Variants in MGAM2 observed in about 807,000 individuals in gnomAD.
MGAM2 encodes the protein probable maltase-glucoamylase 2.
A neutral mutation model predicts 96.1 loss-of-function variants in MGAM2; 98 were observed. That is an observed-to-expected ratio of 1.02 (90% CI 0.87 to 1.21). The LOEUF (loss-of-function observed/expected upper bound fraction) is 1.21, where lower values mean the gene tolerates loss of function less well. Ranked by LOEUF, MGAM2 falls within the 50% of genes most tolerant of loss-of-function variation. MGAM2 has a pLI of 0.00. For missense variants in MGAM2, 2,055 were observed against 1,182.4 expected, an observed-to-expected ratio of 1.74 and a Z score of -10.82; for synonymous variants, 749 against 414.8, an observed-to-expected ratio of 1.81 and a Z score of -9.79.
In MGAM2 at chr7:142,160,147, C is replaced by T. The variant is rs114108719; in HGVS notation, c.2234C>T (p.Ser745Leu). 2,960 of 702,124 alleles carry T rather than the reference C, an allele frequency of 4.2e-3. 69 individuals are homozygous for T. In the African/African-American group the frequency reaches 0.046, roughly 11 times the overall value. 43.5% of individuals were successfully genotyped at this position (702,124 alleles called of 1,614,324 possible). The change falls in exon 21 of 48, where the codon TCA (serine) becomes TTA (leucine). Residue 745 changes from serine (S) to leucine (L), a missense_variant. Transcript: ENST00000477922. ...GTTGCTGATTAGGGAGTGGCCATCT[C>T]ATGGAGGAAACAGTTGGTGAATATG... is the stretch of plus-strand genomic sequence containing the variant. ...WYDYETGVAI[S>L]WRKQLVNMLL...
At chr7:142,175,869 A>T in intron 32 of MGAM2, 89 bp downstream of exon 32, 2 of 653,556 alleles carry the variant, frequency 3.1e-6, no homozygotes, top group South Asian at 1.7e-5. Context: ...GATGAAGGGT[A>T]CCAGAAATGT....
rs982268539 is a variant in MGAM2, at chr7:142,186,042, G to A, written c.4041G>A (p.Ala1347=). Residue 1347 remains alanine (A), a synonymous_variant, in exon 35 of 48, where the codon GCG becomes GCA. Transcript: ENST00000477922. Reference sequence around the variant, plus strand: ...ACTTCTTTCGTAATAGCACAGCTGCGTGGTGGAAGAAAGAGATAGAAGAGC... The same window carrying A: ...ACTTCTTTCGTAATAGCACAGCTGCATGGTGGAAGAAAGAGATAGAAGAGC... The part of the protein sequence containing the change: ...FPDFFRNSTA[A]WWKKEIEELY... 6.1e-5 allele frequency: 43 copies of A among 704,924 alleles called. No homozygotes were observed. The highest frequency in any genetic ancestry group is 9.6e-5 in the Non-Finnish European group (37 of 385,098). The allele number at this position is 704,924 out of a possible 1,614,324, so 43.7% of individuals were successfully genotyped here.
intron 32 of MGAM2, among the ~76,000 whole-genome samples, chr7:142,181,366 C>G (rs1304639914): frequency 6.6e-6 from 1 of 151,978 alleles, no homozygotes. Context: ...TCACAGGCAC[C>G]CTTTTTGTTT....
At chr7:142,140,706 T>C (rs1055760461) in intron 10 of MGAM2, 96 bp from the exon 11 acceptor site, 4 of 571,236 alleles carry the variant, frequency 7.0e-6, no homozygotes, top group Non-Finnish European at 1.2e-5. Flanking sequence ...TTAGAAAATA[T>C]GGTTTCATTT....
At chr7:142,118,945 A>C (rs767341169) in intron 2 of MGAM2, among the ~76,000 whole-genome samples, 1 of 152,186 alleles carries the variant, frequency 6.6e-6, no homozygotes, top group Non-Finnish European at 1.5e-5. Flanking sequence ...AGTTTCTTAG[A>C]TGATACCCAA....
chr7:142,140,939 T>C lies in MGAM2; in HGVS notation c.1218+6T>C. ...AGAAATATCTTATTATTATGGTATG[T>C]TCAAACACTTGTTACCTTATTTTTT... On this transcript the variant is annotated splice_donor_region_variant and intron_variant, in intron 11 of 47. Coordinates refer to ENST00000477922, the MANE Select transcript of MGAM2 (RefSeq NM_001293626.2). 1 of 701,558 alleles carries C rather than the reference T, an allele frequency of 1.4e-6. No homozygotes were observed. 43.5% of individuals were successfully genotyped at this position (701,558 alleles called of 1,614,324 possible).
intron 46 of MGAM2, among the ~76,000 whole-genome samples, chr7:142,217,572 T>C (rs2129107387): frequency 6.6e-6 from 1 of 152,304 alleles, no homozygotes; most frequent in East Asian, 1.9e-4. Context: ...AGGAAGTATG[T>C]CTTCATGAAG....
At chr7:142,199,168 T>A (rs2129101027) in intron 44 of MGAM2, among the ~76,000 whole-genome samples, 1 of 152,254 alleles carries the variant, frequency 6.6e-6, no homozygotes, top group East Asian at 1.9e-4. Flanking sequence ...TGCTTGTGTG[T>A]TGTGTGTGTG....
chr7:142,217,136 T>C (rs1444956032), intron 46 of MGAM2, among the ~76,000 whole-genome samples: 1 of 152,190 alleles, frequency 6.6e-6, no homozygotes, highest in African/African-American at 2.4e-5. Flanking sequence ...CCATGAAAAA[T>C]ATCCACTATG....
intron 17 of MGAM2, among the ~76,000 whole-genome samples, chr7:142,155,211 G>T (rs985448686): frequency 5.3e-5 from 8 of 152,180 alleles, no homozygotes; most frequent in Non-Finnish European, 1.0e-4. Flanking sequence ...GGAACAAGGA[G>T]AAAGAATTTA....
At chr7:142,164,281 C>T (rs914855019) in intron 23 of MGAM2, among the ~76,000 whole-genome samples, 6 of 152,138 alleles carry the variant, frequency 3.9e-5, no homozygotes, top group African/African-American at 1.4e-4. Flanking sequence ...CCTTTGTTCC[C>T]TAAATAAGTT....
At chr7:142,135,348 T>C (rs192334188) in intron 7 of MGAM2, among the ~76,000 whole-genome samples, 15 of 152,346 alleles carry the variant, frequency 9.8e-5, no homozygotes, top group African/African-American at 3.1e-4. Context: ...TTTGACTTTC[T>C]ATAGCTGACA....
intron 46 of MGAM2, among the ~76,000 whole-genome samples, chr7:142,217,362 C>G (rs1013169066): frequency 6.6e-6 from 1 of 152,146 alleles, no homozygotes; most frequent in Non-Finnish European, 1.5e-5. Flanking sequence ...CCAACTTTAC[C>G]TATGTTATCT....
chr7:142,169,337 A>C (rs2129089475), intron 26 of MGAM2, among the ~76,000 whole-genome samples: 2 of 152,170 alleles, frequency 1.3e-5, no homozygotes, highest in Middle Eastern at 6.8e-3. Context: ...CATGGGAATC[A>C]CTTGAACCTG....
intron 32 of MGAM2, among the ~76,000 whole-genome samples, chr7:142,179,852 T>C (rs1216556001): frequency 6.6e-6 from 1 of 152,136 alleles, no homozygotes; most frequent in Non-Finnish European, 1.5e-5. Flanking sequence ...CAGATATTGA[T>C]ATCAGGATGA....
intron 31 of MGAM2, among the ~76,000 whole-genome samples, chr7:142,173,770 G>A (rs1796277594): frequency 6.6e-6 from 1 of 152,194 alleles, no homozygotes; most frequent in Non-Finnish European, 1.5e-5. Flanking sequence ...CATGGTTTGA[G>A]TAAGTTTCAT....
At chr7:142,146,142 G>GTTTTTTTTTTTTTTTTTTTT (rs71166565) in intron 14 of MGAM2, among the ~76,000 whole-genome samples, 4 of 108,962 alleles carry the variant, frequency 3.7e-5, no homozygotes, top group African/African-American at 1.1e-4. Context: ...AGTTTATCAT[G>GTTTTTTTTTTTTTTTTTTTT]TTTTTTTTTT....
intron 45 of MGAM2, among the ~76,000 whole-genome samples, chr7:142,202,643 TG>T (rs1436453553): frequency 3.3e-5 from 5 of 152,356 alleles, no homozygotes; most frequent in Middle Eastern, 3.4e-3. Flanking sequence ...GCATAGGACA[TG>T]ATTTCATTCT....
intron 38 of MGAM2, 93 bp downstream of exon 38, chr7:142,196,380 T>C: frequency 1.5e-6 from 1 of 648,790 alleles, no homozygotes; most frequent in Non-Finnish European, 2.8e-6. Context: ...TATCATCATC[T>C]AGGTGGGTGG....
Sources: gnomAD v4.1 joint callset for allele counts (sites outside exome capture counted in the v4.1 genomes callset) on GRCh38, gnomAD v4.1.1 for gene constraint, MANE v1.5 for transcripts, NCBI Gene and HGNC (gene_info 2026-07-23, HGNC 2026-07-21) for gene names.